Variants in CUL5 observed in about 807,000 individuals in gnomAD.
CUL5 encodes the protein cullin 5, also known as cullin-5.
In CUL5, 26 loss-of-function variants were observed where a neutral mutation model predicts 108.8. The observed-to-expected ratio is 0.24, with a 90% confidence interval of 0.18 to 0.33. The LOEUF (loss-of-function observed/expected upper bound fraction) is 0.33. CUL5 is among the 10% of genes least tolerant of loss of function. The pLI is 1.00. For missense variants in CUL5, 524 were observed against 909.2 expected (o/e 0.58, Z 5.45); for synonymous variants, 334 against 298.0 (o/e 1.12, Z -1.25).
At position 108,104,234 on chromosome 11, in the gene CUL5, T is replaced by C; in HGVS notation, c.2193T>C (p.Asn731=). 2.5e-6 allele frequency: 4 copies of C among 1,590,460 alleles called. No homozygotes were observed. The South Asian group carries it at 4.7e-5, about 19-fold the overall frequency. Residue 731 remains asparagine, a synonymous_variant, in exon 19 of 19, where the codon AAT becomes AAC. Coordinates refer to ENST00000393094, the MANE Select transcript of CUL5 (RefSeq NM_003478.6). ...QIMKMRKKIS[N]AQLQTELVEI... ...TGAAAATGAGAAAGAAAATTAGTAA[T>C]GCTCAGCTGCAGACTGAATTAGTAG...
chr11:108,043,436 G>A (rs918050776), intron 2 of CUL5, among the ~76,000 whole-genome samples: 3 of 152,172 alleles, frequency 2.0e-5, no homozygotes, highest in Non-Finnish European at 4.4e-5. Context: ...AGGTATGCAG[G>A]AGTCATTTAA....
chr11:108,038,329 C>T (rs1410470540), intron 2 of CUL5, among the ~76,000 whole-genome samples: 1 of 152,068 alleles, frequency 6.6e-6, no homozygotes, highest in East Asian at 1.9e-4. Context: ...CTAAAGGGGA[C>T]TTCAAAGTAG....
In CUL5 at chr11:108,009,222, C is replaced by G. The variant is rs1861994260; in HGVS notation, c.-127C>G. The G allele has an allele frequency of 2.1e-6, 2 of 953,232 alleles. No individual in the cohort carries two copies. Among genetic ancestry groups the G allele is most frequent in the South Asian group, 1.5e-5 (1 of 67,744 alleles). The allele number at this position is 953,232 out of a possible 1,614,324, so 59.0% of individuals were successfully genotyped here. On this transcript the variant is annotated 5_prime_UTR_variant, in exon 1 of 19. Transcript: ENST00000393094. ...CAGCGCTGTCGGCGCGCTGCTCCAG[C>G]GCCCACCACACCCTGGTGCGGGCCG...
chr11:108,044,072 T>C (rs1024626177), intron 2 of CUL5, among the ~76,000 whole-genome samples: 21 of 152,180 alleles, frequency 1.4e-4, no homozygotes, highest in African/African-American at 5.1e-4. Context: ...AGTCAGGTGT[T>C]ACCTTTTATA....
intron 1 of CUL5, among the ~76,000 whole-genome samples, chr11:108,031,295 G>A (rs1184236253): frequency 2.0e-5 from 3 of 151,798 alleles, no homozygotes; most frequent in South Asian, 4.2e-4. Context: ...ACCCTGGGAG[G>A]TAGAGGCTAT....
intron 7 of CUL5, among the ~76,000 whole-genome samples, chr11:108,068,280 A>T (rs367974623): frequency 6.6e-6 from 1 of 152,148 alleles, no homozygotes; most frequent in Non-Finnish European, 1.5e-5. Context: ...AGTCATCAGC[A>T]TCATTCTTGT....
At chr11:108,068,413 A>G (rs1591312441) in intron 7 of CUL5, among the ~76,000 whole-genome samples, 1 of 151,898 alleles carries the variant, frequency 6.6e-6, no homozygotes, top group Admixed American at 6.6e-5. Flanking sequence ...TGACCTCCTG[A>G]GCTTAACTGA....
intron 7 of CUL5, among the ~76,000 whole-genome samples, chr11:108,066,322 C>T (rs1223725184): frequency 8.6e-5 from 13 of 151,734 alleles, no homozygotes; most frequent in Non-Finnish European, 1.2e-4. Context: ...CCAGCCTGGG[C>T]GACAGAGCGA....
intron 13 of CUL5, 149 bp downstream of exon 13, chr11:108,089,772 G>A: frequency 2.1e-6 from 1 of 467,134 alleles, no homozygotes; most frequent in Non-Finnish European, 3.6e-6. Context: ...GGGCGCACTG[G>A]CTCATACCTG....
chr11:108,090,366 T>C (rs1274715455), intron 13 of CUL5, among the ~76,000 whole-genome samples: 3 of 151,082 alleles, frequency 2.0e-5, no homozygotes, highest in African/African-American at 7.3e-5. Flanking sequence ...GTGGGGGGCC[T>C]GTAGTCCCAG....
chr11:108,068,094 T>A (rs988672380), intron 7 of CUL5, among the ~76,000 whole-genome samples: 3 of 151,896 alleles, frequency 2.0e-5, no homozygotes, highest in Non-Finnish European at 4.4e-5. Flanking sequence ...CCCGGCTAAT[T>A]TTTAGTAGAG....
chr11:108,079,966 A>G (rs1420674916), intron 11 of CUL5, among the ~76,000 whole-genome samples: 12 of 152,158 alleles, frequency 7.9e-5, no homozygotes, highest in African/African-American at 9.7e-5. Context: ...ACTTCCACCA[A>G]TAGAGTATGA....
chr11:108,057,800 C>T (rs546775352), intron 7 of CUL5, among the ~76,000 whole-genome samples: 1 of 152,232 alleles, frequency 6.6e-6, no homozygotes, highest in East Asian at 1.9e-4. Flanking sequence ...CGTACCAATA[C>T]TATTTTCCTG....
rs187078835 is a variant in CUL5, at chr11:108,065,060, C to T, written c.781-5036C>T. ...TTTTTTTTTGAGACGGAGTCTTGCT[C>T]TGTCACCCAGGCTGGAGTGCAGTGG... On this transcript the variant is annotated intron_variant, in intron 7 of 18. Transcript: ENST00000393094. Among the ~76,000 whole-genome samples the T allele has an allele frequency of 2.8e-3, 432 of 152,036 alleles. 2 individuals carry two copies. The highest frequency in any genetic ancestry group is 9.9e-3 in the African/African-American group (410 of 41,458).
At position 108,050,047 on chromosome 11, in the gene CUL5, A is replaced by G; in HGVS notation, c.392A>G (p.Glu131Gly). ...KQGSNKKSNV[E>G]DSIVRKLMLD... ...GGCAGCAATAAAAAATCAAATGTGG[A>G]AGACAGTATTGTTCGAAAGGTAAGA... Residue 131 changes from glutamate (E) to glycine (G), a missense_variant, in exon 4 of 19, where the codon GAA becomes GGA. Around this residue, in one of 8 missense-constraint regions of CUL5, gnomAD observed 170 missense variants for 305.1 expected, o/e 0.56. Coordinates refer to ENST00000393094, the MANE Select transcript of CUL5 (RefSeq NM_003478.6). 2 of 1,609,828 alleles carry G rather than the reference A, an allele frequency of 1.2e-6. No individual in the cohort carries two copies. The highest frequency in any genetic ancestry group is 1.7e-6 in the Non-Finnish European group (2 of 1,178,484).
At chr11:108,099,770 A>G (rs945444865) in intron 18 of CUL5, among the ~76,000 whole-genome samples, 1 of 152,118 alleles carries the variant, frequency 6.6e-6, no homozygotes, top group Non-Finnish European at 1.5e-5. Flanking sequence ...TCTTATTACC[A>G]TCACTTAGTT....
chr11:108,085,381 C>A (rs1864193870), intron 11 of CUL5, among the ~76,000 whole-genome samples: 1 of 151,844 alleles, frequency 6.6e-6, no homozygotes, highest in Non-Finnish European at 1.5e-5. Flanking sequence ...ACAGGGAAAT[C>A]CATTGAGACA....
At chr11:108,017,323 GA>G (rs1177914579) in intron 1 of CUL5, among the ~76,000 whole-genome samples, 3 of 143,442 alleles carry the variant, frequency 2.1e-5, no homozygotes, top group Non-Finnish European at 4.5e-5. Context: ...CCAGGAGGTT[GA>G]GGCTGCAGTG....
intron 13 of CUL5, among the ~76,000 whole-genome samples, chr11:108,090,883 ACTG>A (rs1234880258): frequency 2.0e-5 from 3 of 152,238 alleles, no homozygotes; most frequent in African/African-American, 7.2e-5. Flanking sequence ...GCTAACTGAA[ACTG>A]CTTAGTAGGA....
Sources: allele counts gnomAD v4.1 joint callset (sites outside exome capture counted in the v4.1 genomes callset), GRCh38; gene constraint gnomAD v4.1.1; regional missense constraint gnomAD v4.1.1; transcripts MANE v1.5; gene names NCBI Gene and HGNC (gene_info 2026-07-23, HGNC 2026-07-21).